TJP1: variants seen among roughly 807,000 people sequenced by gnomAD.
TJP1 encodes tight junction protein 1, also known as tight junction protein ZO-1.
Under a neutral mutation model 194.2 loss-of-function variants are expected in TJP1, and 43 were observed. The observed-to-expected ratio is 0.22, with a 90% CI of 0.17 to 0.29. The LOEUF is 0.29. Among genes scored for constraint, TJP1 ranks in the 10% least tolerant of loss-of-function variants. The pLI, the probability that TJP1 is intolerant of heterozygous loss-of-function variation, is 1.00. For missense variants in TJP1, 1,971 were observed against 2,185.7 expected (o/e 0.90, Z 1.96); for synonymous variants, 801 against 779.0 (o/e 1.03, Z -0.47).
Position 29,774,314 on chromosome 15 carries a change from GA to G in TJP1, c.85-958del, listed in dbSNP as rs201128305. ...CCCAAAGCCTATAGAAGTAGCAAAA[GA>G]AAAAAAAAAATCTTCTTAAAAATGA... is the stretch of plus-strand genomic sequence containing the variant. On this transcript the variant is annotated intron_variant, in intron 2 of 27. Coordinates refer to ENST00000614355, the MANE Select transcript of TJP1 (RefSeq NM_001330239.4). Among the ~76,000 whole-genome samples, 1,227 of 140,938 alleles carry G rather than the reference GA, an allele frequency of 8.7e-3. 20 individuals carry two copies. The highest frequency in any genetic ancestry group is 0.029 in the East Asian group (144 of 4,900). The allele number at this position is 140,938 out of a possible 152,430, so 92.5% of individuals were successfully genotyped here. A position where few individuals can be genotyped will look rare whatever the true frequency, so the allele number is the denominator to read the frequency against.
intron 2 of TJP1, among the ~76,000 whole-genome samples, chr15:29,902,339 G>C (rs2053659883): frequency 6.6e-6 from 1 of 151,854 alleles, no homozygotes; most frequent in Non-Finnish European, 1.5e-5. Flanking sequence ...TTTGAAGTTT[G>C]TTCTAACTGT....
At chr15:29,867,244 T>C (rs2052340193) in intron 2 of TJP1, among the ~76,000 whole-genome samples, 1 of 152,204 alleles carries the variant, frequency 6.6e-6, no homozygotes, top group South Asian at 2.1e-4. Flanking sequence ...TGGCTAATAT[T>C]AGAAGTCATT....
At chr15:29,842,566 C>T (rs1216336875) in intron 2 of TJP1, among the ~76,000 whole-genome samples, 2 of 152,172 alleles carry the variant, frequency 1.3e-5, no homozygotes, top group Non-Finnish European at 2.9e-5. Context: ...CTGCAGAAAC[C>T]TACAGAGACA....
intron 24 of TJP1, among the ~76,000 whole-genome samples, chr15:29,709,239 T>C (rs1234826204): frequency 6.6e-6 from 1 of 152,084 alleles, no homozygotes; most frequent in Non-Finnish European, 1.5e-5. Flanking sequence ...ATATATACCC[T>C]GCTGCCCTGG....
At chr15:29,739,611 T>C (rs544663311) in intron 10 of TJP1, among the ~76,000 whole-genome samples, 1 of 151,842 alleles carries the variant, frequency 6.6e-6, no homozygotes, top group South Asian at 2.1e-4. Context: ...GCCCGGCTAA[T>C]TTTTTTGTAT....
intron 2 of TJP1, among the ~76,000 whole-genome samples, chr15:29,774,291 C>A (rs2046874867): frequency 6.6e-6 from 1 of 151,660 alleles, no homozygotes; most frequent in South Asian, 2.1e-4. Flanking sequence ...CCTCCCATCC[C>A]AAAGCCTATA....
chr15:29,849,377 C>T (rs373231770), intron 2 of TJP1, among the ~76,000 whole-genome samples: 25 of 151,790 alleles, frequency 1.6e-4, no homozygotes, highest in East Asian at 5.8e-4. Context: ...CCACTCACCC[C>T]GCACCCCCCA....
intron 8 of TJP1, among the ~76,000 whole-genome samples, chr15:29,743,483 T>C (rs1320853008): frequency 2.6e-5 from 4 of 152,144 alleles, no homozygotes; most frequent in Non-Finnish European, 4.4e-5. Flanking sequence ...TCCAGCACTT[T>C]GGGAGGCCAA....
chr15:29,916,739 G>A (rs529657706), intron 2 of TJP1, among the ~76,000 whole-genome samples: 2 of 152,174 alleles, frequency 1.3e-5, no homozygotes, highest in South Asian at 2.1e-4. Context: ...CATTTATAGA[G>A]CAAATGTACC....
At chr15:29,948,636 C>A (rs1245517973) in intron 2 of TJP1, among the ~76,000 whole-genome samples, 1 of 152,124 alleles carries the variant, frequency 6.6e-6, no homozygotes, top group Non-Finnish European at 1.5e-5. Context: ...CATGGCATGG[C>A]ACAAGCCTAC....
At chr15:29,827,182 C>A (rs2050702827), upstream of TJP1, among the ~76,000 whole-genome samples, 1 of 152,218 alleles carries the variant, frequency 6.6e-6, no homozygotes, top group South Asian at 2.1e-4. Flanking sequence ...TTTGGCCCAG[C>A]CCGGATTCCA....
At chr15:29,871,010 C>T (rs1248999784) in intron 2 of TJP1, among the ~76,000 whole-genome samples, 1 of 152,204 alleles carries the variant, frequency 6.6e-6, no homozygotes, top group Non-Finnish European at 1.5e-5. Flanking sequence ...CCTCCAGCCA[C>T]CTCCTCAACG....
chr15:29,903,960 G>A (rs2053720359), intron 2 of TJP1, among the ~76,000 whole-genome samples: 2 of 152,146 alleles, frequency 1.3e-5, no homozygotes, highest in Admixed American at 6.5e-5. Context: ...CTGCAGAATT[G>A]AGAAGCACAA....
intron 1 of TJP1, among the ~76,000 whole-genome samples, chr15:29,815,741 C>G (rs1381281373): frequency 6.6e-6 from 1 of 152,198 alleles, no homozygotes; most frequent in Non-Finnish European, 1.5e-5. Context: ...TTTTTAAAGA[C>G]ATTTTCCTTA....
intron 2 of TJP1, among the ~76,000 whole-genome samples, chr15:29,949,697 A>T (rs2055555392): frequency 5.2e-5 from 5 of 97,008 alleles, no homozygotes; most frequent in South Asian, 4.3e-4. Context: ...CACCACCTCC[A>T]CCACCACCAC....
chr15:29,909,080 C>A lies in TJP1; in HGVS notation c.306+47152G>T, dbSNP rs544719681. Among the ~76,000 whole-genome samples, 11 of 151,246 alleles carry A rather than the reference C, an allele frequency of 7.3e-5. 1 individual carries two copies. The South Asian group carries it at 2.1e-3, about 29-fold the overall frequency. On this transcript the variant is annotated intron_variant, in intron 2 of 28. Coordinates refer to the TJP1 transcript ENST00000356107. ...GCTGAGGCAGGAGAATGGCATGAAC[C>A]CAGGAGGCGGAGCTTGCAGTGAGCC...
chr15:29,744,199 C>T (rs1224473808), intron 8 of TJP1, among the ~76,000 whole-genome samples: 1 of 152,086 alleles, frequency 6.6e-6, no homozygotes, highest in Non-Finnish European at 1.5e-5. Context: ...ATCATATTAT[C>T]ATCCATGAGA....
At chr15:29,955,163 CAG>C (rs1382004778) in intron 2 of TJP1, among the ~76,000 whole-genome samples, 1 of 152,030 alleles carries the variant, frequency 6.6e-6, no homozygotes, top group Non-Finnish European at 1.5e-5. Context: ...ATGAAAAAGA[CAG>C]AATTTAGTTT....
intron 2 of TJP1, among the ~76,000 whole-genome samples, chr15:29,946,022 G>A (rs536082588): frequency 3.3e-5 from 5 of 152,112 alleles, no homozygotes; most frequent in Admixed American, 6.5e-5. Flanking sequence ...CCAGGACTGG[G>A]GCAACAAAAG....
Sources: allele counts gnomAD v4.1 joint callset (sites outside exome capture counted in the v4.1 genomes callset), GRCh38; gene constraint gnomAD v4.1.1; transcripts MANE v1.5; gene names NCBI Gene and HGNC (gene_info 2026-07-23, HGNC 2026-07-21).